Variants in PPM1L observed in about 807,000 individuals in gnomAD.
The protein encoded by PPM1L is protein phosphatase 1L.
Under a neutral mutation model 31.4 loss-of-function variants are expected in PPM1L, and 13 were observed. That is an observed-to-expected ratio of 0.41 (90% confidence interval 0.27 to 0.66). PPM1L has a LOEUF of 0.66. Among genes scored for constraint, PPM1L ranks in the 30% least tolerant of loss-of-function variants. The probability of loss-of-function intolerance (pLI) is 0.29; values close to 1 mark genes in which losing one functional copy is unlikely to be tolerated. For missense variants in PPM1L, 326 were observed against 453.7 expected (o/e 0.72, Z 2.56); for synonymous variants, 184 against 175.4 (o/e 1.05, Z -0.39).
rs112151349 is a variant in PPM1L, at chr3:160,793,136, C to T, written c.399+36429C>T. ...GGTTTCTCACCTGTGAGATTACCCTCGCCCACCTCTTTTTCATACCTCACT... is the reference window on the plus strand; with the variant it reads ...GGTTTCTCACCTGTGAGATTACCCTTGCCCACCTCTTTTTCATACCTCACT... On this transcript the variant is annotated intron_variant, in intron 1 of 3. Transcript: ENST00000498165. 9.5e-3 allele frequency among the ~76,000 whole-genome samples: 1,447 copies of T among 152,232 alleles called. 23 individuals carry two copies. Among genetic ancestry groups the T allele is most frequent in the African/African-American group, 0.032 (1,333 of 41,516 alleles).
chr3:160,758,825 T>C (rs1714886528), intron 1 of PPM1L, among the ~76,000 whole-genome samples: 1 of 152,196 alleles, frequency 6.6e-6, no homozygotes, highest in African/African-American at 2.4e-5. Flanking sequence ...AGCCAAACCA[T>C]GAAATACTTT....
Position 161,078,400 on chromosome 3 carries a change from A to G in PPM1L, c.*9243A>G, listed in dbSNP as rs766126374. The G allele has an allele frequency of 1.3e-5, 2 of 152,176 alleles. No individual in the cohort carries two copies. Among genetic ancestry groups the G allele is most frequent in the Non-Finnish European group, 2.9e-5 (2 of 68,020 alleles). The allele number at this position is 152,176 out of a possible 1,614,324, so 9.4% of individuals were successfully genotyped here. ...GCAACTTTAAAAATCACAAGGGATT[A>G]TTTGTTTATAAAGAGATACAGGATC... On this transcript the variant is annotated 3_prime_UTR_variant, in exon 4 of 4. Transcript: ENST00000498165.
chr3:160,909,581 A>G (rs1418667778), intron 1 of PPM1L, among the ~76,000 whole-genome samples: 2 of 152,224 alleles, frequency 1.3e-5, no homozygotes, highest in African/African-American at 4.8e-5. Context: ...GATATTTTTA[A>G]AGCCATGAAA....
chr3:161,063,216 A>T (rs1351923222), intron 2 of PPM1L, among the ~76,000 whole-genome samples: 1 of 151,110 alleles, frequency 6.6e-6, no homozygotes, highest in East Asian at 1.9e-4. Context: ...TTCCAATATA[A>T]AAAAAAAATC....
intron 1 of PPM1L, among the ~76,000 whole-genome samples, chr3:160,869,400 C>T (rs1044364024): frequency 2.6e-5 from 4 of 152,144 alleles, no homozygotes; most frequent in Non-Finnish European, 5.9e-5. Flanking sequence ...ATTGTTTGCT[C>T]AGCTTTGGTG....
rs1714801567 is a variant in PPM1L at position 160,756,313 on chromosome 3, T to C, written c.5T>C (p.Ile2Thr). Reference protein sequence around the residue: MIEDTMTLLSLL... With the variant: MTEDTMTLLSLL... ...TTGAGGCTCTAGCGATAATAAATGA[T>C]AGAGGATACAATGACTTTGCTGTCT... The change falls in exon 1 of 4, where the codon ATA (isoleucine) becomes ACA (threonine). Residue 2 changes from isoleucine (I) to threonine (T), a missense_variant. Around this residue, in one of 3 missense-constraint regions of PPM1L, gnomAD observed 42 missense variants for 76.1 expected, o/e 0.55. Coordinates refer to ENST00000498165, the MANE Select transcript of PPM1L (RefSeq NM_139245.4). The surrounding 1 kb of genome is among the most constrained non-coding windows in gnomAD (Gnocchi z 6.2). 6.2e-7 allele frequency: 1 copy of C among 1,610,376 alleles called. No individual in the cohort carries two copies. Among genetic ancestry groups the C allele is most frequent in the Non-Finnish European group, 8.5e-7 (1 of 1,177,402 alleles).
At chr3:160,835,641 C>T (rs186150270) in intron 1 of PPM1L, among the ~76,000 whole-genome samples, 1 of 152,098 alleles carries the variant, frequency 6.6e-6, no homozygotes, top group Non-Finnish European at 1.5e-5. Flanking sequence ...TCCTCTCTAC[C>T]ACAGACTTCT....
intron 1 of PPM1L, among the ~76,000 whole-genome samples, chr3:160,939,124 A>T (rs948165115): frequency 6.6e-6 from 1 of 152,212 alleles, no homozygotes; most frequent in Non-Finnish European, 1.5e-5. Flanking sequence ...GTTTTCAATA[A>T]ATATTAGCTA....
chr3:160,820,005 A>G (rs905621294), intron 1 of PPM1L, among the ~76,000 whole-genome samples: 4 of 152,062 alleles, frequency 2.6e-5, no homozygotes, highest in African/African-American at 4.8e-5. Context: ...TCTCCCATTC[A>G]TGCCTTATTT....
At chr3:161,068,398 C>T (rs1343323955) in intron 3 of PPM1L, among the ~76,000 whole-genome samples, 1 of 152,166 alleles carries the variant, frequency 6.6e-6, no homozygotes, top group Non-Finnish European at 1.5e-5. Flanking sequence ...TATAGGCACA[C>T]TTATGAGTGG....
chr3:160,763,398 A>G (rs77829144), intron 1 of PPM1L, among the ~76,000 whole-genome samples: 2,509 of 152,350 alleles, frequency 0.016, 63 homozygotes, highest in African/African-American at 0.057. Flanking sequence ...GGAAGAGATT[A>G]TAGGAATAAA....
intron 1 of PPM1L, among the ~76,000 whole-genome samples, chr3:160,862,296 C>A (rs1711920612): frequency 3.3e-5 from 5 of 152,174 alleles, no homozygotes; most frequent in Admixed American, 3.3e-4. Flanking sequence ...TTGATAAAAG[C>A]TTCCTCACCC....
intron 2 of PPM1L, among the ~76,000 whole-genome samples, chr3:161,055,131 T>A (rs1212673136): frequency 1.3e-5 from 2 of 152,020 alleles, no homozygotes; most frequent in African/African-American, 4.8e-5. Flanking sequence ...ACTCAGGCAA[T>A]AGACAAGAGA....
intron 1 of PPM1L, among the ~76,000 whole-genome samples, chr3:160,782,441 C>T (rs1444801138): frequency 6.6e-6 from 1 of 152,142 alleles, no homozygotes; most frequent in African/African-American, 2.4e-5. Flanking sequence ...GAGCACTGTG[C>T]AGATTTCTGA....
At chr3:160,866,972 G>A (rs1254695776) in intron 1 of PPM1L, among the ~76,000 whole-genome samples, 1 of 152,180 alleles carries the variant, frequency 6.6e-6, no homozygotes, top group Admixed American at 6.5e-5. Flanking sequence ...CTCTTGAGTA[G>A]TTGGGACCAT....
At chr3:160,776,475 G>A (rs1432623532) in intron 1 of PPM1L, among the ~76,000 whole-genome samples, 1 of 152,084 alleles carries the variant, frequency 6.6e-6, no homozygotes, top group Non-Finnish European at 1.5e-5. Flanking sequence ...AAACATTTTT[G>A]CCTTCCTTAA....
At chr3:160,900,488 C>T (rs2108053153) in intron 1 of PPM1L, among the ~76,000 whole-genome samples, 1 of 152,160 alleles carries the variant, frequency 6.6e-6, no homozygotes, top group South Asian at 2.1e-4. Flanking sequence ...TATCCATGGG[C>T]TCCAACCGAA....
At chr3:160,803,725 A>C (rs1006824329) in intron 1 of PPM1L, among the ~76,000 whole-genome samples, 2 of 152,156 alleles carry the variant, frequency 1.3e-5, no homozygotes, top group Non-Finnish European at 2.9e-5. Flanking sequence ...TTATTTCTTT[A>C]TTTAGCTATT....
intron 2 of PPM1L, among the ~76,000 whole-genome samples, chr3:160,966,451 T>C (rs918746743): frequency 6.6e-6 from 1 of 152,160 alleles, no homozygotes; most frequent in Non-Finnish European, 1.5e-5. Context: ...GCTTTTTGCA[T>C]TTAACATTAT....
Sources: gnomAD v4.1 joint callset for allele counts (sites outside exome capture counted in the v4.1 genomes callset) on GRCh38, gnomAD v4.1.1 for gene constraint, gnomAD v4.1.1 regional missense constraint, Gnocchi (gnomAD v3.1) non-coding constraint, MANE v1.5 for transcripts, NCBI Gene and HGNC (gene_info 2026-07-23, HGNC 2026-07-21) for gene names.